Variants in ATRNL1 observed in about 807,000 individuals in gnomAD.
The protein encoded by ATRNL1 is attractin-like protein 1.
ATRNL1 carries 95 observed loss-of-function variants against 182.7 expected under a neutral mutation model. The observed-to-expected ratio is 0.52, with a 90% CI of 0.44 to 0.62. The LOEUF (loss-of-function observed/expected upper bound fraction) is 0.62. Ranked by LOEUF, ATRNL1 falls within the 20% of genes least tolerant of loss-of-function variation. The pLI is 0.00. For synonymous variants in ATRNL1, 576 were observed against 568.3 expected, an observed-to-expected ratio of 1.01 and a Z score of -0.19; for missense variants, 1,471 against 1,679.5, an observed-to-expected ratio of 0.88 and a Z score of 2.17.
At chr10:115,923,650 A>G (rs1171862759) in intron 28 of ATRNL1, among the ~76,000 whole-genome samples, 1 of 152,140 alleles carries the variant, frequency 6.6e-6, no homozygotes, top group Non-Finnish European at 1.5e-5. Flanking sequence ...TATCCGGTCT[A>G]TCATTAATAG....
intron 25 of ATRNL1, among the ~76,000 whole-genome samples, 200 bp from the exon 26 acceptor site, chr10:115,549,258 A>T (rs887672495): frequency 2.6e-5 from 4 of 152,084 alleles, no homozygotes; most frequent in Non-Finnish European, 5.9e-5. Context: ...CTATAGCAAG[A>T]AATATAAATA....
intron 19 of ATRNL1, among the ~76,000 whole-genome samples, chr10:115,361,350 C>T (rs1554944159): frequency 6.6e-6 from 1 of 151,906 alleles, no homozygotes; most frequent in Non-Finnish European, 1.5e-5. Flanking sequence ...ATTCTTTGAG[C>T]ATTTCCTTAT....
At chr10:115,102,536 C>A (rs1418392531) in intron 1 of ATRNL1, among the ~76,000 whole-genome samples, 1 of 152,022 alleles carries the variant, frequency 6.6e-6, no homozygotes, top group Non-Finnish European at 1.5e-5. Flanking sequence ...CTCTGCTCGT[C>A]AGGTTCAAGC....
At chr10:115,812,429 C>A (rs1341380585) in intron 27 of ATRNL1, among the ~76,000 whole-genome samples, 2 of 152,124 alleles carry the variant, frequency 1.3e-5, no homozygotes, top group African/African-American at 4.8e-5. Context: ...TATTCTAATA[C>A]CTTCAAAGGG....
intron 8 of ATRNL1, among the ~76,000 whole-genome samples, chr10:115,182,460 A>T (rs782539161): frequency 2.0e-5 from 3 of 151,644 alleles, no homozygotes; most frequent in Non-Finnish European, 4.4e-5. Flanking sequence ...ATTATAATAC[A>T]TACACACAGT....
At chr10:115,872,509 G>C (rs1050999068) in intron 28 of ATRNL1, among the ~76,000 whole-genome samples, 25 of 152,102 alleles carry the variant, frequency 1.6e-4, no homozygotes, top group African/African-American at 5.8e-4. Context: ...AAAAAAGTGA[G>C]AGCTCATCAC....
intron 26 of ATRNL1, among the ~76,000 whole-genome samples, chr10:115,603,327 C>T (rs2133947870): frequency 6.6e-6 from 1 of 152,124 alleles, no homozygotes; most frequent in East Asian, 1.9e-4. Context: ...CTAATATCGC[C>T]TGGGAAATAC....
intron 1 of ATRNL1, among the ~76,000 whole-genome samples, chr10:115,102,400 T>C (rs1037631630): frequency 5.9e-5 from 9 of 152,264 alleles, no homozygotes; most frequent in Admixed American, 2.0e-4. Flanking sequence ...ACTTTATTAA[T>C]GTATGTATGT....
At chr10:115,861,630 C>T (rs1555103481) in intron 28 of ATRNL1, among the ~76,000 whole-genome samples, 4 of 152,158 alleles carry the variant, frequency 2.6e-5, no homozygotes. Context: ...TCAGCCCCAT[C>T]CTTGTGACCT....
chr10:115,238,571 C>G (rs1554902055), intron 9 of ATRNL1, among the ~76,000 whole-genome samples: 1 of 152,076 alleles, frequency 6.6e-6, no homozygotes, highest in Non-Finnish European at 1.5e-5. Flanking sequence ...TTGTATATTA[C>G]CCTTGTGTCC....
chr10:115,523,865 G>A (rs879985276), intron 25 of ATRNL1, among the ~76,000 whole-genome samples: 1 of 152,120 alleles, frequency 6.6e-6, no homozygotes, highest in African/African-American at 2.4e-5. Context: ...ACCACTTCCT[G>A]GCACCAATTT....
chr10:115,754,002 C>T (rs1555071305), intron 27 of ATRNL1, among the ~76,000 whole-genome samples: 1 of 152,202 alleles, frequency 6.6e-6, no homozygotes, highest in African/African-American at 2.4e-5. Flanking sequence ...TGATATCCTT[C>T]ACCCACTTTT....
At chr10:115,482,479 T>C (rs1291065052) in intron 24 of ATRNL1, among the ~76,000 whole-genome samples, 1 of 151,068 alleles carries the variant, frequency 6.6e-6, no homozygotes, top group Non-Finnish European at 1.5e-5. Flanking sequence ...ATGCTTCTTT[T>C]ATTAATATAT....
At chr10:115,588,828 A>G (rs1356994533) in intron 26 of ATRNL1, among the ~76,000 whole-genome samples, 1 of 152,196 alleles carries the variant, frequency 6.6e-6, no homozygotes, top group African/African-American at 2.4e-5. Context: ...AGGAGGGAAA[A>G]TCAAGAGCTT....
At chr10:115,411,310 A>T (rs1262129058) in intron 20 of ATRNL1, among the ~76,000 whole-genome samples, 3 of 151,396 alleles carry the variant, frequency 2.0e-5, no homozygotes, top group African/African-American at 7.2e-5. Flanking sequence ...CATTTAAATT[A>T]AAAATACTTT....
At chr10:115,742,491 C>T (rs1948167736) in intron 27 of ATRNL1, among the ~76,000 whole-genome samples, 1 of 152,060 alleles carries the variant, frequency 6.6e-6, no homozygotes, top group Admixed American at 6.6e-5. Flanking sequence ...ACTTGATGTA[C>T]AAGGTTGAGG....
At chr10:115,913,826 G>C (rs1263568557) in intron 28 of ATRNL1, among the ~76,000 whole-genome samples, 1 of 152,112 alleles carries the variant, frequency 6.6e-6, no homozygotes, top group African/African-American at 2.4e-5. Flanking sequence ...CTGTGACTGG[G>C]GACATCTCAA....
chr10:115,201,072 CTTG>C (rs1848556358), intron 8 of ATRNL1, among the ~76,000 whole-genome samples: 8 of 139,316 alleles, frequency 5.7e-5, no homozygotes, highest in Middle Eastern at 3.7e-3. Context: ...TTTTGGTGGG[CTTG>C]TTTTTTTTTT....
intron 21 of ATRNL1, among the ~76,000 whole-genome samples, chr10:115,461,656 C>A (rs1272205431): frequency 6.6e-6 from 1 of 151,876 alleles, no homozygotes; most frequent in Non-Finnish European, 1.5e-5. Context: ...TTATTTTATT[C>A]ACTTACTTTT....
Sources: gnomAD v4.1 joint callset for allele counts (sites outside exome capture counted in the v4.1 genomes callset) on GRCh38, gnomAD v4.1.1 for gene constraint, MANE v1.5 for transcripts, NCBI Gene and HGNC (gene_info 2026-07-23, HGNC 2026-07-21) for gene names.